SYNE1: variants seen among roughly 807,000 people sequenced by gnomAD.
The protein encoded by SYNE1 is spectrin repeat containing nuclear envelope protein 1.
Under a neutral mutation model 1,111.0 loss-of-function variants are expected in SYNE1, and 616 were observed. The observed-to-expected ratio is 0.55, with a 90% CI of 0.52 to 0.59. The LOEUF (loss-of-function observed/expected upper bound fraction) is 0.59. SYNE1 is among the 20% of genes least tolerant of loss of function. The pLI, the probability that SYNE1 is intolerant of heterozygous loss-of-function variation, is 0.00. For missense variants in SYNE1, 10,006 were observed against 10,417.0 expected, an observed-to-expected ratio of 0.96 and a Z score of 1.72; for synonymous variants, 3,855 against 3,825.8, an observed-to-expected ratio of 1.01 and a Z score of -0.28.
chr6:152,275,341 T>C (rs138320907), intron 98 of SYNE1, among the ~76,000 whole-genome samples: 39 of 152,318 alleles, frequency 2.6e-4, no homozygotes, highest in African/African-American at 9.4e-4. Context: ...TTGAAATCTT[T>C]GATCCACCTG....
chr6:152,373,739 A>G (rs2097229820), intron 58 of SYNE1, among the ~76,000 whole-genome samples: 1 of 152,238 alleles, frequency 6.6e-6, no homozygotes, highest in Non-Finnish European at 1.5e-5. Flanking sequence ...ATCTCATAAA[A>G]TATTAAAAAT....
At chr6:152,443,792 C>T (rs1027784831) in intron 30 of SYNE1, among the ~76,000 whole-genome samples, 3 of 152,002 alleles carry the variant, frequency 2.0e-5, no homozygotes, top group Admixed American at 6.6e-5. Context: ...ATTTATATTG[C>T]GTTTAACAAG....
chr6:152,624,080 CAAGGGTA>C (rs1050293181), intron 3 of SYNE1, among the ~76,000 whole-genome samples: 2 of 152,058 alleles, frequency 1.3e-5, no homozygotes, highest in African/African-American at 2.4e-5. Context: ...GCTATATCTC[CAAGGGTA>C]AATGCTTATC....
At chr6:152,479,344 TA>T (rs1449471500) in intron 14 of SYNE1, among the ~76,000 whole-genome samples, 1 of 152,204 alleles carries the variant, frequency 6.6e-6, no homozygotes, top group Non-Finnish European at 1.5e-5. Context: ...GTAACTGCAA[TA>T]AGGATGTGTA....
intron 12 of SYNE1, among the ~76,000 whole-genome samples, 175 bp from the exon 13 acceptor site, chr6:152,485,147 A>G (rs1388526821): frequency 6.6e-6 from 1 of 152,226 alleles, no homozygotes; most frequent in African/African-American, 2.4e-5. Context: ...AAGCCCTGAC[A>G]TAGCTTGACC....
At chr6:152,426,220 A>G (rs2098352296) in intron 38 of SYNE1, among the ~76,000 whole-genome samples, 1 of 152,248 alleles carries the variant, frequency 6.6e-6, no homozygotes, top group Non-Finnish European at 1.5e-5. Context: ...ATTAAGTGAA[A>G]TGATAGGTAT....
intron 104 of SYNE1, among the ~76,000 whole-genome samples, chr6:152,249,466 A>G (rs1394350908): frequency 6.6e-6 from 1 of 152,248 alleles, no homozygotes; most frequent in Non-Finnish European, 1.5e-5. Flanking sequence ...TCTGTTACCC[A>G]AAGTATTTTC....
At chr6:152,125,494 C>A in intron 145 of SYNE1, 2 of 1,171,304 alleles carry the variant, frequency 1.7e-6, no homozygotes, top group Non-Finnish European at 2.3e-6. Context: ...TGCAATGATT[C>A]AATGGTTTGC....
In SYNE1 at chr6:152,247,746, T is replaced by TACAC. The variant is rs1361817872; in HGVS notation, c.19572+1414_19572+1415insGTGT. On this transcript the variant is annotated intron_variant, in intron 105 of 145. Coordinates refer to ENST00000367255, the MANE Select transcript of SYNE1 (RefSeq NM_182961.4). ...TTTTTATTATATATATATATATATA[T>TACAC]ATATACACACACACACACACACACA... is the stretch of plus-strand genomic sequence containing the variant. Among the ~76,000 whole-genome samples, 7 of 92,192 alleles carry TACAC rather than the reference T, an allele frequency of 7.6e-5. No homozygotes were observed. The East Asian group carries it at 1.3e-3, about 17-fold the overall frequency. 60.5% of individuals were successfully genotyped at this position (92,192 alleles called of 152,430 possible).
rs1480978232 is a variant in SYNE1, at chr6:152,232,128, A to T, written c.20850T>A (p.Leu6950=). Residue 6950 remains leucine (L), a synonymous_variant, in exon 113 of 146, where the codon CTT becomes CTA. Transcript: ENST00000367255. ...AAATTTTAATTACCTTATATTTCTG[A>T]AGGTATTCATGAATTGCCTTGTAAC... The part of the protein sequence containing the change: ...SIGYKAIHEY[L]QKYKGFKIDI... 1.9e-6 allele frequency: 3 copies of T among 1,576,802 alleles called. No homozygotes were observed. Among genetic ancestry groups the T allele is most frequent in the Non-Finnish European group, 2.6e-6 (3 of 1,146,948 alleles).
At chr6:152,372,251 G>C (rs546849935) in intron 59 of SYNE1, among the ~76,000 whole-genome samples, 2 of 152,082 alleles carry the variant, frequency 1.3e-5, no homozygotes, top group Non-Finnish European at 2.9e-5. Context: ...TGCTGGCCAC[G>C]AAAAAACAGT....
chr6:152,368,892 GCA>G, intron 61 of SYNE1, 78 bp downstream of exon 61: 2 of 1,592,004 alleles, frequency 1.3e-6, no homozygotes, highest in Non-Finnish European at 1.7e-6. Flanking sequence ...AGGATGCAAT[GCA>G]CACCCTGCAG....
At chr6:152,465,030 G>A (rs1327779275) in intron 18 of SYNE1, 13 of 570,132 alleles carry the variant, frequency 2.3e-5, no homozygotes, top group Non-Finnish European at 4.1e-5. Context: ...GGGTAATATA[G>A]TGCCCTCCCC....
At chr6:152,468,881 T>A (rs1226456388) in intron 16 of SYNE1, among the ~76,000 whole-genome samples, 1 of 152,164 alleles carries the variant, frequency 6.6e-6, no homozygotes, top group African/African-American at 2.4e-5. Context: ...GCTCAAGCCA[T>A]CCTCCTGCCT....
chr6:152,201,261 GATCTGTATTAGCTACT>G (rs1405916561), intron 127 of SYNE1, among the ~76,000 whole-genome samples: 1 of 138,928 alleles, frequency 7.2e-6, no homozygotes, highest in Non-Finnish European at 1.6e-5. Flanking sequence ...TCCAGGGAGT[GATCTGTATTAGCTACT>G]GACTTGCTTC....
intron 55 of SYNE1, among the ~76,000 whole-genome samples, chr6:152,382,473 A>G (rs2097437008): frequency 6.6e-6 from 1 of 152,176 alleles, no homozygotes; most frequent in Admixed American, 6.5e-5. Context: ...GTTCATAATT[A>G]TATACAATAG....
chr6:152,471,705 T>C lies in SYNE1; in HGVS notation c.1524A>G (p.Leu508=), dbSNP rs765510098. ...CCAGCAGTGAGAGCAGACGGTACTT[T>C]AATTCTAAAAATTCCATTTTCATTA... ...LHLMKMEFLE[L]KYRLLSLLVL... The change falls in exon 16 of 146, where the codon TTA becomes TTG. Residue 508 remains leucine (L), a synonymous_variant. Coordinates refer to ENST00000367255, the MANE Select transcript of SYNE1 (RefSeq NM_182961.4). The C allele has an allele frequency of 1.1e-5, 17 of 1,613,896 alleles. No homozygotes were observed. Among genetic ancestry groups the C allele is most frequent in the Non-Finnish European group, 1.4e-5 (17 of 1,179,900 alleles).
intron 59 of SYNE1, among the ~76,000 whole-genome samples, chr6:152,370,489 C>T (rs1300985585): frequency 1.3e-5 from 2 of 152,108 alleles, no homozygotes; most frequent in Non-Finnish European, 2.9e-5. Flanking sequence ...ATAAGAAATA[C>T]TAAATAATGT....
chr6:152,407,180 T>C lies in SYNE1; in HGVS notation c.6557A>G (p.Glu2186Gly). The C allele has an allele frequency of 6.2e-7, 1 of 1,613,980 alleles. No homozygotes were observed. The highest frequency in any genetic ancestry group is 1.1e-5 in the South Asian group (1 of 91,074). The stretch of plus-strand genomic sequence containing the variant: ...TACTCTCAGCCTATCCATGTTTTCT[T>C]CAAGTTTCTCTGATACCTAGGAGAG... The part of the protein sequence containing the change: ...DKWLDVSEKL[E>G]ENMDRLRVSL... Residue 2186 changes from glutamate to glycine, a missense_variant, in exon 45 of 146, where the codon GAA (glutamate) becomes GGA (glycine). Coordinates refer to ENST00000367255, the MANE Select transcript of SYNE1 (RefSeq NM_182961.4).
Sources: gnomAD v4.1 joint callset for allele counts (sites outside exome capture counted in the v4.1 genomes callset) on GRCh38, gnomAD v4.1.1 for gene constraint, MANE v1.5 for transcripts, NCBI Gene and HGNC (gene_info 2026-07-23, HGNC 2026-07-21) for gene names.